CCR6: variants seen among roughly 807,000 people sequenced by gnomAD.
CCR6 encodes C-C motif chemokine receptor 6, also known as C-C chemokine receptor type 6.
In CCR6, 2 loss-of-function variants were observed where a neutral mutation model predicts 3.0. That is an observed-to-expected ratio of 0.66 (90% CI 0.27 to 2.07). The LOEUF (loss-of-function observed/expected upper bound fraction) is 2.07. Among genes scored for constraint, CCR6 ranks in the 30% most tolerant of loss-of-function variants. The probability of loss-of-function intolerance (pLI) is 0.14; values close to 1 mark genes in which losing one functional copy is unlikely to be tolerated. For missense variants in CCR6, 322 were observed against 462.8 expected (o/e 0.70, Z 2.79); for synonymous variants, 193 against 184.3 (o/e 1.05, Z -0.38).
At chr6:167,116,329 C>G (rs1781492753) in intron 1 of CCR6, among the ~76,000 whole-genome samples, 1 of 152,210 alleles carries the variant, frequency 6.6e-6, no homozygotes, top group Non-Finnish European at 1.5e-5. Flanking sequence ...CGCCCTCGCT[C>G]CCTCTTGGGA....
chr6:167,125,613 G>A (rs1781659052), intron 1 of CCR6, among the ~76,000 whole-genome samples: 1 of 152,242 alleles, frequency 6.6e-6, no homozygotes, highest in African/African-American at 2.4e-5. Flanking sequence ...TTGAAGGCCG[G>A]GGGGAGATGA....
chr6:167,121,346 GTT>G (rs1324539606), upstream of CCR6: 1 of 152,320 alleles, frequency 6.6e-6, no homozygotes, highest in African/African-American at 2.4e-5. Flanking sequence ...TCTGTTTTTC[GTT>G]TTCTTTCTTT....
At position 167,136,110 on chromosome 6, in the gene CCR6, C is replaced by T; in HGVS notation, c.-25C>T. 1 of 1,612,674 alleles carries T rather than the reference C, an allele frequency of 6.2e-7. No individual in the cohort carries two copies. ...GAACCATACACTCCTTTTTCTACAA[C>T]CAGCTTGCATTTTTTCTGCCCACAA... On this transcript the variant is annotated 5_prime_UTR_variant, in exon 2 of 3. Coordinates refer to ENST00000341935, the MANE Select transcript of CCR6 (RefSeq NM_031409.4). This position sits in a 1 kb window ranked among gnomAD's most constrained non-coding sequence, Gnocchi z 4.6.
At position 167,136,774 on chromosome 6, in the gene CCR6, A is replaced by G. The variant is rs1357793974; in HGVS notation, c.544A>G (p.Thr182Ala). The part of the protein sequence containing the change: ...WGLSVIISSS[T>A]FVFNQKYNTQ... ...GCTGTCAGTCATCATCTCCAGCTCA[A>G]CTTTTGTCTTCAACCAAAAATACAA... Residue 182 changes from threonine (T) to alanine (A), a missense_variant, in exon 3 of 3, where the codon ACT becomes GCT. Thr to Ala is a moderately conservative substitution (Grantham distance 58). Transcript: ENST00000341935. This position sits in a 1 kb window ranked among gnomAD's most constrained non-coding sequence, Gnocchi z 4.6. 6.2e-7 allele frequency: 1 copy of G among 1,613,874 alleles called. No homozygotes were observed. The highest frequency in any genetic ancestry group is 8.5e-7 in the Non-Finnish European group (1 of 1,180,016).
chr6:167,124,222 A>G (rs1330090800), intron 1 of CCR6, among the ~76,000 whole-genome samples: 1 of 152,142 alleles, frequency 6.6e-6, no homozygotes, highest in Non-Finnish European at 1.5e-5. Context: ...TGCAAATAAA[A>G]CAGAAAACAT....
chr6:167,118,539 T>A (rs1175767920), upstream of CCR6, among the ~76,000 whole-genome samples: 1 of 152,228 alleles, frequency 6.6e-6, no homozygotes, highest in African/African-American at 2.4e-5. Flanking sequence ...AGCTTTCAGT[T>A]TGATTTCCCT....
chr6:167,113,432 C>A (rs1409576295), intron 1 of CCR6, among the ~76,000 whole-genome samples: 1 of 152,142 alleles, frequency 6.6e-6, no homozygotes, highest in Non-Finnish European at 1.5e-5. Context: ...CTGGAAGAAC[C>A]CCAAAACACA....
Position 167,137,401 on chromosome 6 carries a change from ATGTTATGC to A in CCR6, c.*47_*54del, listed in dbSNP as rs1382748999. On this transcript the variant is annotated 3_prime_UTR_variant, in exon 3 of 3. Coordinates refer to ENST00000341935, the MANE Select transcript of CCR6 (RefSeq NM_031409.4). The surrounding 1 kb of genome is among the most constrained non-coding windows in gnomAD (Gnocchi z 4.6). ...AGGCATGTGTGAAACATACTCATAG[ATGTTATGC>A]AAAAAAAAGTCTATGGCCAGGTATG... 3 of 1,531,832 alleles carry A rather than the reference ATGTTATGC, an allele frequency of 2.0e-6. No homozygotes were observed. Among genetic ancestry groups the A allele is most frequent in the African/African-American group, 1.4e-5 (1 of 71,856 alleles). 94.9% of individuals were successfully genotyped at this position (1,531,832 alleles called of 1,614,324 possible).
At chr6:167,127,108 A>C (rs1007700751) in intron 1 of CCR6, 6 of 152,264 alleles carry the variant, frequency 3.9e-5, no homozygotes, top group African/African-American at 1.2e-4. Flanking sequence ...TAGATTATAT[A>C]GTCAGATTAT....
upstream of CCR6, among the ~76,000 whole-genome samples, chr6:167,119,545 A>G (rs1006504374): frequency 3.9e-4 from 60 of 152,204 alleles, no homozygotes; most frequent in African/African-American, 1.4e-3. Flanking sequence ...TGGGAGAGTA[A>G]TTTTCAGGCC....
Position 167,137,429 on chromosome 6 carries a change from G to T in CCR6, c.*74G>T. The T allele has an allele frequency of 7.0e-7, 1 of 1,429,848 alleles. No individual in the cohort carries two copies. The highest frequency in any genetic ancestry group is 9.4e-7 in the Non-Finnish European group (1 of 1,058,962). 88.6% of individuals were successfully genotyped at this position (1,429,848 alleles called of 1,614,324 possible). A position where few individuals can be genotyped will look rare whatever the true frequency, so the allele number is the denominator to read the frequency against. On this transcript the variant is annotated 3_prime_UTR_variant, in exon 3 of 3. Coordinates refer to ENST00000341935, the MANE Select transcript of CCR6 (RefSeq NM_031409.4). The surrounding 1 kb of genome is among the most constrained non-coding windows in gnomAD (Gnocchi z 4.6). ...TTATGCAAAAAAAAGTCTATGGCCA[G>T]GTATGCATGGAAAATGTGGGAATTA...
At chr6:167,129,821 TG>T (rs35345474) in intron 1 of CCR6, among the ~76,000 whole-genome samples, 1 of 151,382 alleles carries the variant, frequency 6.6e-6, no homozygotes, top group Non-Finnish European at 1.5e-5. Flanking sequence ...AACATTCAGG[TG>T]GGGGGTGACA....
At position 167,137,260 on chromosome 6, in the gene CCR6, T is replaced by C; in HGVS notation, c.1030T>C (p.Ser344Pro). The change falls in exon 3 of 3, where the codon TCA becomes CCA. Residue 344 changes from serine to proline, a missense_variant. Physicochemically the swap from Ser to Pro is moderately conservative, Grantham distance 74. Transcript: ENST00000341935. The surrounding 1 kb of genome is among the most constrained non-coding windows in gnomAD (Gnocchi z 4.6). ...LWCVRRKYKS[S>P]GFSCAGRYSE... ...GTGTGTGAGAAGGAAGTACAAGTCCTCAGGCTTCTCCTGTGCCGGGAGGTA... is the reference window on the plus strand; with the variant it reads ...GTGTGTGAGAAGGAAGTACAAGTCCCCAGGCTTCTCCTGTGCCGGGAGGTA... The C allele has an allele frequency of 1.2e-6, 2 of 1,614,154 alleles. No homozygotes were observed. Among genetic ancestry groups the C allele is most frequent in the Non-Finnish European group, 1.7e-6 (2 of 1,180,008 alleles).
At chr6:167,130,593 G>A (rs1158835339) in intron 1 of CCR6, among the ~76,000 whole-genome samples, 2 of 151,718 alleles carry the variant, frequency 1.3e-5, no homozygotes, top group East Asian at 1.9e-4. Context: ...GGGGAAGGCC[G>A]AATCATTTTC....
In CCR6 at chr6:167,137,506, G is replaced by A. The variant is rs1781868314; in HGVS notation, c.*151G>A. 2 of 700,220 alleles carry A rather than the reference G, an allele frequency of 2.9e-6. No homozygotes were observed. Among genetic ancestry groups the A allele is most frequent in the Non-Finnish European group, 4.7e-6 (2 of 428,952 alleles). 43.4% of individuals were successfully genotyped at this position (700,220 alleles called of 1,614,324 possible). ...GCGGGACTTAACGTGCTCATGGGCTGTGTGATCTCTTCAGGGTGGGGTGGT... is the reference window on the plus strand; with the variant it reads ...GCGGGACTTAACGTGCTCATGGGCTATGTGATCTCTTCAGGGTGGGGTGGT... On this transcript the variant is annotated 3_prime_UTR_variant, in exon 3 of 3. Transcript: ENST00000341935. The surrounding 1 kb of genome is among the most constrained non-coding windows in gnomAD (Gnocchi z 4.6).
intron 1 of CCR6, among the ~76,000 whole-genome samples, chr6:167,112,876 C>A (rs116701794): frequency 6.6e-6 from 1 of 152,124 alleles, no homozygotes; most frequent in Non-Finnish European, 1.5e-5. Context: ...CAAGAGAATT[C>A]TTGATGCTGC....
rs371891131 is a variant in CCR6, at chr6:167,117,439, C to T, written c.-98+5425C>T. On this transcript the variant is annotated intron_variant, in intron 1 of 2. Transcript: ENST00000400926. The stretch of plus-strand genomic sequence containing the variant: ...TCTTTTTTTTTTTTTTTTTTTGAGA[C>T]GGAGTTTCGCTCTGTCGCCCAGGCT... Among the ~76,000 whole-genome samples, 61 of 99,580 alleles carry T rather than the reference C, an allele frequency of 6.1e-4. No individual in the cohort carries two copies. In the South Asian group the frequency reaches 0.014, roughly 24 times the overall value. 65.3% of individuals were successfully genotyped at this position (99,580 alleles called of 152,430 possible).
chr6:167,115,248 G>A (rs1017854727), intron 1 of CCR6: 2 of 152,216 alleles, frequency 1.3e-5, no homozygotes, highest in South Asian at 2.1e-4. Context: ...AGACCCCAGC[G>A]CCCAGCGCCC....
chr6:167,112,542 T>C (rs1781430973), intron 1 of CCR6, among the ~76,000 whole-genome samples: 1 of 152,150 alleles, frequency 6.6e-6, no homozygotes, highest in Non-Finnish European at 1.5e-5. Context: ...GAAATGCAGA[T>C]CCCACAGACC....
Sources: gnomAD v4.1 joint callset for allele counts (sites outside exome capture counted in the v4.1 genomes callset) on GRCh38, gnomAD v4.1.1 for gene constraint, Gnocchi (gnomAD v3.1) non-coding constraint, MANE v1.5 for transcripts, NCBI Gene and HGNC (gene_info 2026-07-23, HGNC 2026-07-21) for gene names.